The following WASF2 variants were observed in gnomAD, a reference collection of about 807,000 sequenced individuals.
WASF2 encodes actin-binding protein WASF2.
A neutral mutation model predicts 45.0 loss-of-function variants in WASF2; 14 were observed. That is an observed-to-expected ratio of 0.31 (90% CI 0.21 to 0.49). The LOEUF is 0.49. WASF2 is among the 20% of genes least tolerant of loss of function. The pLI is 0.99. For synonymous variants in WASF2, 200 were observed against 236.3 expected, an observed-to-expected ratio of 0.85 and a Z score of 1.41; for missense variants, 439 against 636.1, an observed-to-expected ratio of 0.69 and a Z score of 3.33.
intron 1 of WASF2, among the ~76,000 whole-genome samples, chr1:27,440,671 A>G (rs2017211692): frequency 6.6e-6 from 1 of 152,198 alleles, no homozygotes; most frequent in Non-Finnish European, 1.5e-5. Context: ...AGTGCACTAA[A>G]GCCATGAACT....
At chr1:27,471,344 CAAAAAAAAAAAA>C (rs35393807) in intron 1 of WASF2, among the ~76,000 whole-genome samples, 2 of 53,166 alleles carry the variant, frequency 3.8e-5, no homozygotes, top group African/African-American at 1.3e-4. Flanking sequence ...GACTCTGTCT[CAAAAAAAAAAAA>C]AAAAAAAAAG....
intron 1 of WASF2, among the ~76,000 whole-genome samples, chr1:27,477,385 CA>C (rs1389233791): frequency 1.3e-5 from 2 of 151,832 alleles, no homozygotes; most frequent in Non-Finnish European, 2.9e-5. Flanking sequence ...ACTAAAAATA[CA>C]AAAATTAGCT....
intron 1 of WASF2, among the ~76,000 whole-genome samples, chr1:27,452,037 G>A (rs1005665685): frequency 2.6e-5 from 4 of 152,138 alleles, no homozygotes; most frequent in Admixed American, 2.0e-4. Context: ...GTGGAACACA[G>A]GTAACTGAAA....
chr1:27,437,164 C>T (rs1281697528), intron 1 of WASF2, among the ~76,000 whole-genome samples: 1 of 152,144 alleles, frequency 6.6e-6, no homozygotes, highest in Non-Finnish European at 1.5e-5. Flanking sequence ...ATCATAGTTT[C>T]GTTCTTAAAA....
rs2017951325 is a variant in WASF2 at position 27,487,532 on chromosome 1, CAATATAT to C, written c.-44+2447_-44+2453del. ...TATGTTATATTATATATATTTTATA[CAATATAT>C]AATATATATTATATATATTTTATAC... On this transcript the variant is annotated intron_variant, in intron 1 of 8. Coordinates refer to ENST00000618852, the MANE Select transcript of WASF2 (RefSeq NM_006990.5). 2.2e-4 allele frequency among the ~76,000 whole-genome samples: 20 copies of C among 92,046 alleles called. No individual in the cohort carries two copies. The South Asian group carries it at 5.4e-3, about 25-fold the overall frequency. The allele number at this position is 92,046 out of a possible 152,430, so 60.4% of individuals were successfully genotyped here. A position where few individuals can be genotyped will look rare whatever the true frequency, so the allele number is the denominator to read the frequency against.
intron 1 of WASF2, among the ~76,000 whole-genome samples, chr1:27,487,681 TAA>T (rs1491173431): frequency 9.1e-6 from 1 of 110,432 alleles, no homozygotes; most frequent in Admixed American, 1.4e-4. Flanking sequence ...ATATTTTATA[TAA>T]TATATAATAT....
At chr1:27,420,514 CTTTTTTTTTTT>C (rs782294669) in intron 2 of WASF2, among the ~76,000 whole-genome samples, 1 of 82,490 alleles carries the variant, frequency 1.2e-5, no homozygotes, top group Non-Finnish European at 2.0e-5. Context: ...ACCATCTGAG[CTTTTTTTTTTT>C]TTTTTTTTTT....
intron 1 of WASF2, among the ~76,000 whole-genome samples, chr1:27,455,206 T>G (rs1356787685): frequency 6.6e-6 from 1 of 152,122 alleles, no homozygotes; most frequent in African/African-American, 2.4e-5. Context: ...CTCCGATTAC[T>G]GATGAGGCTG....
At chr1:27,443,569 C>A (rs189877120) in intron 1 of WASF2, among the ~76,000 whole-genome samples, 1 of 150,230 alleles carries the variant, frequency 6.7e-6, no homozygotes. Context: ...GCCAAGACTG[C>A]GCCATTGCAC....
At chr1:27,415,957 T>C in intron 5 of WASF2, 28 bp downstream of exon 5, 1 of 1,575,440 alleles carries the variant, frequency 6.3e-7, no homozygotes, top group Non-Finnish European at 8.7e-7. Context: ...CCTACTGATG[T>C]GGAGAACAGA....
At chr1:27,418,200 T>G in intron 4 of WASF2, 69 bp downstream of exon 4, 1 of 1,523,388 alleles carries the variant, frequency 6.6e-7, no homozygotes, top group Non-Finnish European at 8.8e-7. Flanking sequence ...AAACAACCGC[T>G]TCAGACAAAA....
chr1:27,411,541 T>C (rs561572202), intron 7 of WASF2, among the ~76,000 whole-genome samples: 12 of 152,334 alleles, frequency 7.9e-5, no homozygotes, highest in Admixed American at 4.6e-4. Flanking sequence ...GGACAGCAGA[T>C]TGTACCACTT....
At chr1:27,453,352 G>A (rs2148126129) in intron 1 of WASF2, among the ~76,000 whole-genome samples, 1 of 152,226 alleles carries the variant, frequency 6.6e-6, no homozygotes, top group Middle Eastern at 3.4e-3. Flanking sequence ...AGCACTTTGG[G>A]AGGCTGAGGT....
chr1:27,478,864 G>A (rs1035388824), intron 1 of WASF2, among the ~76,000 whole-genome samples: 4 of 152,222 alleles, frequency 2.6e-5, no homozygotes, highest in East Asian at 3.9e-4. Flanking sequence ...GATTACAGGC[G>A]TGAGCCACTG....
intron 1 of WASF2, among the ~76,000 whole-genome samples, chr1:27,454,941 A>G (rs2017448103): frequency 1.3e-5 from 2 of 152,132 alleles, no homozygotes; most frequent in Admixed American, 1.3e-4. Context: ...GTTTTTGTAC[A>G]TGTCTCCTGG....
intron 1 of WASF2, among the ~76,000 whole-genome samples, chr1:27,433,354 T>C (rs1173445367): frequency 6.6e-6 from 1 of 152,210 alleles, no homozygotes; most frequent in African/African-American, 2.4e-5. Context: ...AGCACCATTC[T>C]ACGCGTACTG....
chr1:27,439,190 T>C (rs1315376113), intron 1 of WASF2, among the ~76,000 whole-genome samples: 1 of 152,228 alleles, frequency 6.6e-6, no homozygotes, highest in Non-Finnish European at 1.5e-5. Context: ...TTTCCTAGCC[T>C]GTTAAATCAT....
intron 1 of WASF2, among the ~76,000 whole-genome samples, chr1:27,441,657 G>C (rs1411030155): frequency 1.1e-4 from 16 of 151,762 alleles, no homozygotes; most frequent in Admixed American, 2.6e-4. Flanking sequence ...CGGAGGCTGA[G>C]GCAGGAGAAT....
At chr1:27,477,627 C>T (rs1312315809) in intron 1 of WASF2, among the ~76,000 whole-genome samples, 16,818 of 134,900 alleles carry the variant, frequency 0.12, 2,006 homozygotes, top group East Asian at 0.29. Flanking sequence ...CGGCCGGGCG[C>T]GGTGGCTCAC....
Sources: allele counts gnomAD v4.1 joint callset (sites outside exome capture counted in the v4.1 genomes callset), GRCh38; gene constraint gnomAD v4.1.1; transcripts MANE v1.5; gene names NCBI Gene and HGNC (gene_info 2026-07-23, HGNC 2026-07-21).